ADCK1: variants seen among roughly 807,000 people sequenced by gnomAD.
ADCK1 encodes aarF domain containing kinase 1.
In ADCK1, 41 loss-of-function variants were observed where a neutral mutation model predicts 52.3. The ratio of observed to expected loss-of-function variants is 0.78; its 90% CI spans 0.61 to 1.02. The LOEUF (loss-of-function observed/expected upper bound fraction) is 1.02. Among genes scored for constraint, ADCK1 ranks in the 50% least tolerant of loss-of-function variants. The probability of loss-of-function intolerance (pLI) is 0.00; values close to 1 mark genes in which losing one functional copy is unlikely to be tolerated. For missense variants in ADCK1, 658 were observed against 679.5 expected (o/e 0.97, Z 0.35); for synonymous variants, 250 against 274.6 (o/e 0.91, Z 0.89).
In ADCK1 at chr14:77,923,028, C is replaced by T. The variant is rs1445446536; in HGVS notation, c.859-1429C>T. On this transcript the variant is annotated intron_variant, in intron 7 of 10. Transcript: ENST00000238561. The surrounding 1 kb of genome is among the most constrained non-coding windows in gnomAD (Gnocchi z 4.3). ...CAAGCAAGTGGATACATAATAGAGCCAGTCTGTGGTCCATAAATTATACCT... is the reference window on the plus strand; with the variant it reads ...CAAGCAAGTGGATACATAATAGAGCTAGTCTGTGGTCCATAAATTATACCT... Among the ~76,000 whole-genome samples, 1 of 152,210 alleles carries T rather than the reference C, an allele frequency of 6.6e-6. No individual in the cohort carries two copies. The highest frequency in any genetic ancestry group is 1.5e-5 in the Non-Finnish European group (1 of 68,040).
chr14:77,930,126 C>T lies in ADCK1; in HGVS notation c.1207-1392C>T, dbSNP rs200826265. On this transcript the variant is annotated intron_variant, in intron 9 of 10. Transcript: ENST00000238561. ...CTGAGAGGCTGTTGCCAGGCCAGTC[C>T]GACCGTGCTGAGAGGGGGGTCCCTG... 3.3e-5 allele frequency among the ~76,000 whole-genome samples: 5 copies of T among 151,884 alleles called. No individual in the cohort carries two copies. The East Asian group carries it at 5.8e-4, about 18-fold the overall frequency.
At chr14:77,809,431 G>A (rs906863223) in intron 1 of ADCK1, among the ~76,000 whole-genome samples, 4 of 152,214 alleles carry the variant, frequency 2.6e-5, no homozygotes, top group South Asian at 2.1e-4. Flanking sequence ...CCGGGTTCAA[G>A]CGATTCTCTT....
intron 4 of ADCK1, 39 bp downstream of exon 4, chr14:77,859,318 T>C: frequency 6.3e-7 from 1 of 1,589,448 alleles, no homozygotes; most frequent in Non-Finnish European, 8.6e-7. Context: ...TTGGTTGGGA[T>C]GCTTCAGAAA....
chr14:77,899,017 A>G, intron 5 of ADCK1, 83 bp from the exon 6 acceptor site: 1 of 1,569,716 alleles, frequency 6.4e-7, no homozygotes, highest in South Asian at 1.2e-5. Context: ...CCCTTACTCT[A>G]GGGGAGAACC....
At chr14:77,841,685 A>G (rs1225877077) in intron 3 of ADCK1, among the ~76,000 whole-genome samples, 2 of 135,622 alleles carry the variant, frequency 1.5e-5, no homozygotes. Context: ...AAAAAAAAAA[A>G]AAAAAAAAAA....
At chr14:77,831,866 G>T (rs996470798) in intron 3 of ADCK1, among the ~76,000 whole-genome samples, 1 of 152,168 alleles carries the variant, frequency 6.6e-6, no homozygotes, top group Non-Finnish European at 1.5e-5. Context: ...GCTAAGGTCG[G>T]GTGACAACTC....
intron 4 of ADCK1, among the ~76,000 whole-genome samples, chr14:77,874,881 A>G (rs890797463): frequency 1.3e-5 from 2 of 152,136 alleles, no homozygotes; most frequent in Non-Finnish European, 2.9e-5. Flanking sequence ...AGGTTGCAGT[A>G]TTGAAGCTGA....
chr14:77,843,002 G>T (rs1383326793), intron 3 of ADCK1, among the ~76,000 whole-genome samples: 1 of 150,438 alleles, frequency 6.6e-6, no homozygotes, highest in African/African-American at 2.4e-5. Context: ...TGATTCTCCT[G>T]CCTCAGCCTC....
intron 5 of ADCK1, among the ~76,000 whole-genome samples, chr14:77,890,424 A>G (rs2083259883): frequency 6.6e-6 from 1 of 152,150 alleles, no homozygotes; most frequent in African/African-American, 2.4e-5. Flanking sequence ...AAAGTACATC[A>G]CAGTTTTATG....
At chr14:77,872,896 G>A (rs1228568025) in intron 4 of ADCK1, among the ~76,000 whole-genome samples, 1 of 152,110 alleles carries the variant, frequency 6.6e-6, no homozygotes, top group Non-Finnish European at 1.5e-5. Flanking sequence ...GCCTGGTCTC[G>A]ATCTCCTGAC....
chr14:77,892,074 C>A lies in ADCK1; in HGVS notation c.582+4825C>A, dbSNP rs191929176. Among the ~76,000 whole-genome samples the A allele has an allele frequency of 2.8e-3, 433 of 152,286 alleles. 3 individuals are homozygous for A. Among genetic ancestry groups the A allele is most frequent in the Non-Finnish European group, 3.7e-3 (252 of 68,022 alleles). ...GCCTCTACGTCTCCTTTCATGCCAA[C>A]TCCAGGTGTGGTGTGCCCTTATGCT... On this transcript the variant is annotated intron_variant, in intron 5 of 10. Transcript: ENST00000238561.
intron 7 of ADCK1, among the ~76,000 whole-genome samples, chr14:77,917,045 T>C (rs1046626175): frequency 6.6e-6 from 1 of 152,078 alleles, no homozygotes; most frequent in Non-Finnish European, 1.5e-5. Context: ...CTGGGCAACA[T>C]AGTGAGACCC....
chr14:77,844,041 A>T (rs112639632), intron 3 of ADCK1, among the ~76,000 whole-genome samples: 1,716 of 152,162 alleles, frequency 0.011, 18 homozygotes, highest in Non-Finnish European at 0.018. Flanking sequence ...TCCTGCCAGG[A>T]TGTGAATGAC....
rs545670742 is a variant in ADCK1 at position 77,930,707 on chromosome 14, A to G, written c.1207-811A>G. On this transcript the variant is annotated intron_variant, in intron 9 of 10. Coordinates refer to ENST00000238561, the MANE Select transcript of ADCK1 (RefSeq NM_020421.4). ...ATACACCGATAGGGTTGTTGTGAGGATTAAATCAATTAATACGTGCCAACA... is the reference window on the plus strand; with the variant it reads ...ATACACCGATAGGGTTGTTGTGAGGGTTAAATCAATTAATACGTGCCAACA... Among the ~76,000 whole-genome samples, 4 of 152,292 alleles carry G rather than the reference A, an allele frequency of 2.6e-5. No homozygotes were observed. The East Asian group carries it at 7.7e-4, about 29-fold the overall frequency.
chr14:77,931,319 CG>C (rs1166614737), intron 9 of ADCK1, among the ~76,000 whole-genome samples, 198 bp from the exon 10 acceptor site: 1 of 152,174 alleles, frequency 6.6e-6, no homozygotes, highest in Non-Finnish European at 1.5e-5. Flanking sequence ...TATCCCCTTC[CG>C]GGTTTGTCAG....
intron 3 of ADCK1, among the ~76,000 whole-genome samples, chr14:77,825,574 C>A (rs1337555825): frequency 6.6e-6 from 1 of 152,038 alleles, no homozygotes; most frequent in Non-Finnish European, 1.5e-5. Flanking sequence ...TCTGCAGCAT[C>A]CATCACCAGG....
chr14:77,813,336 G>A (rs954766723), intron 1 of ADCK1, among the ~76,000 whole-genome samples: 6 of 151,634 alleles, frequency 4.0e-5, no homozygotes, highest in African/African-American at 1.5e-4. Context: ...TGGAGATGGA[G>A]TTGTGTTCTT....
At chr14:77,814,017 C>T (rs183543755) in intron 1 of ADCK1, among the ~76,000 whole-genome samples, 154 of 152,196 alleles carry the variant, frequency 1.0e-3, no homozygotes, top group African/African-American at 3.4e-3. Context: ...ATCCGCCTGC[C>T]TCGGCCTCCC....
intron 3 of ADCK1, among the ~76,000 whole-genome samples, chr14:77,825,960 G>A (rs1246563093): frequency 6.6e-6 from 1 of 152,278 alleles, no homozygotes; most frequent in East Asian, 1.9e-4. Flanking sequence ...CAAGGCCTCT[G>A]CTTTACGGAA....
Sources: allele counts gnomAD v4.1 joint callset (sites outside exome capture counted in the v4.1 genomes callset), GRCh38; gene constraint gnomAD v4.1.1; non-coding constraint Gnocchi (gnomAD v3.1); transcripts MANE v1.5; gene names NCBI Gene and HGNC (gene_info 2026-07-23, HGNC 2026-07-21).